IPO5: variants seen among roughly 807,000 people sequenced by gnomAD.
IPO5 encodes importin 5, also known as importin-5.
A neutral mutation model predicts 143.3 loss-of-function variants in IPO5; 18 were observed. That is an observed-to-expected ratio of 0.13 (90% CI 0.09 to 0.19). The LOEUF (loss-of-function observed/expected upper bound fraction) is 0.19. IPO5 is among the 10% of genes least tolerant of loss of function. The probability of loss-of-function intolerance (pLI) is 1.00; values close to 1 mark genes in which losing one functional copy is unlikely to be tolerated. For missense variants in IPO5, 1,013 were observed against 1,336.9 expected (o/e 0.76, Z 3.78); for synonymous variants, 477 against 465.7 (o/e 1.02, Z -0.31).
intron 2 of IPO5, among the ~76,000 whole-genome samples, chr13:97,965,860 C>T (rs1467515705): frequency 6.6e-6 from 1 of 151,602 alleles, no homozygotes; most frequent in African/African-American, 2.4e-5. Context: ...ATTTCCAGGC[C>T]GGGCACGGTG....
chr13:98,021,951 C>G lies in IPO5; in HGVS notation c.*129C>G. ...GTGTGTAGGCCATTCTTCTGGAGAGCCACAAGCAGGAAGAGCAGCGCTGTG... is the reference window on the plus strand; with the variant it reads ...GTGTGTAGGCCATTCTTCTGGAGAGGCACAAGCAGGAAGAGCAGCGCTGTG... On this transcript the variant is annotated 3_prime_UTR_variant, in exon 29 of 29. Coordinates refer to ENST00000651721, the MANE Select transcript of IPO5 (RefSeq NM_002271.6). 2.0e-6 allele frequency: 1 copy of G among 505,144 alleles called. No individual in the cohort carries two copies. Among genetic ancestry groups the G allele is most frequent in the African/African-American group, 1.9e-5 (1 of 53,372 alleles). 31.3% of individuals were successfully genotyped at this position (505,144 alleles called of 1,614,324 possible).
Position 98,006,199 on chromosome 13 carries a change from G to A in IPO5, c.1567G>A (p.Ala523Thr). 2 of 1,613,708 alleles carry A rather than the reference G, an allele frequency of 1.2e-6. No homozygotes were observed. The highest frequency in any genetic ancestry group is 1.7e-6 in the Non-Finnish European group (2 of 1,179,782). The stretch of plus-strand genomic sequence containing the variant: ...ATCCATTGCATCAGTTGCCGATACT[G>A]CAGAAGAAAAATTTGTCCCCTACTA... Reference protein sequence around the residue: ...VTSIASVADTAEEKFVPYYDL... With the variant: ...VTSIASVADTTEEKFVPYYDL... The change falls in exon 17 of 29, where the codon GCA becomes ACA. Residue 523 changes from alanine (A) to threonine (T), a missense_variant. Ala to Thr is a moderately conservative substitution (Grantham distance 58). Around this residue, in one of 2 missense-constraint regions of IPO5, gnomAD observed 685 missense variants for 994.9 expected, o/e 0.69. Transcript: ENST00000651721.
chr13:97,985,816 A>G (rs1036290844), intron 6 of IPO5, among the ~76,000 whole-genome samples: 2 of 152,164 alleles, frequency 1.3e-5, no homozygotes, highest in Admixed American at 6.6e-5. Context: ...GGACTCACCT[A>G]TTGGTATTCA....
intron 13 of IPO5, chr13:98,000,947 G>A (rs1888716835): frequency 3.0e-6 from 1 of 332,906 alleles, no homozygotes; most frequent in Admixed American, 4.4e-5. Context: ...TTTAAAAGAA[G>A]AAACTCTATC....
chr13:97,983,900 T>G (rs978002362), intron 5 of IPO5, among the ~76,000 whole-genome samples: 1 of 150,370 alleles, frequency 6.7e-6, no homozygotes, highest in Non-Finnish European at 1.5e-5. Flanking sequence ...TTTGCTTTTG[T>G]AACCTGTTCT....
chr13:97,964,769 T>C (rs1247176719), intron 2 of IPO5, among the ~76,000 whole-genome samples: 2 of 152,004 alleles, frequency 1.3e-5, no homozygotes, highest in Admixed American at 6.6e-5. Context: ...ATTTCTTATA[T>C]AGGGACAGTG....
intron 2 of IPO5, among the ~76,000 whole-genome samples, chr13:97,964,111 A>G (rs1454083577): frequency 6.6e-6 from 1 of 152,166 alleles, no homozygotes; most frequent in African/African-American, 2.4e-5. Context: ...TCAGATGGAT[A>G]GATTGCAAAA....
chr13:98,010,048 A>C, intron 19 of IPO5, 35 bp downstream of exon 19: 13 of 1,613,480 alleles, frequency 8.1e-6, no homozygotes, highest in Non-Finnish European at 1.1e-5. Flanking sequence ...CGGTTATAAT[A>C]GTTCTCTCTT....
At chr13:97,958,135 T>A (rs1884586809) in intron 2 of IPO5, among the ~76,000 whole-genome samples, 1 of 152,176 alleles carries the variant, frequency 6.6e-6, no homozygotes, top group Non-Finnish European at 1.5e-5. Flanking sequence ...CAGGTGGAGT[T>A]GTCTTGCAGC....
At position 98,006,197 on chromosome 13, in the gene IPO5, C is replaced by T. The variant is rs376474816; in HGVS notation, c.1565C>T (p.Thr522Ile). The change falls in exon 17 of 29, where the codon ACT becomes ATT. Residue 522 changes from threonine to isoleucine, a missense_variant. Physicochemically the swap from Thr to Ile is moderately conservative, Grantham distance 89. Around this residue, in one of 2 missense-constraint regions of IPO5, gnomAD observed 685 missense variants for 994.9 expected, o/e 0.69. Transcript: ENST00000651721. ...ACATCCATTGCATCAGTTGCCGATA[C>T]TGCAGAAGAAAAATTTGTCCCCTAC... ...VVTSIASVAD[T>I]AEEKFVPYYD... 1 of 1,613,680 alleles carries T rather than the reference C, an allele frequency of 6.2e-7. No individual in the cohort carries two copies. The highest frequency in any genetic ancestry group is 1.1e-5 in the South Asian group (1 of 91,076).
At chr13:97,987,051 C>A in intron 6 of IPO5, 1 of 167,562 alleles carries the variant, frequency 6.0e-6, no homozygotes, top group East Asian at 1.7e-4. Context: ...TAATGAGTTT[C>A]ACTTCCTCAT....
At chr13:97,971,435 C>G (rs539639965) in intron 3 of IPO5, among the ~76,000 whole-genome samples, 2 of 152,262 alleles carry the variant, frequency 1.3e-5, no homozygotes, top group African/African-American at 4.8e-5. Context: ...TTCAACCATT[C>G]AAACTTTTTT....
chr13:97,976,710 C>T lies in IPO5; in HGVS notation c.14C>T (p.Ala5Val). ...ACGCCTAGCGCAATGGCGGCGGCCG[C>T]GGCGGAGCAGCAACAGTTCTACCTG... is the stretch of plus-strand genomic sequence containing the variant. Reference protein sequence around the residue: MAAAAAEQQQFYLLL... With the variant: MAAAVAEQQQFYLLL... Residue 5 changes from alanine to valine, a missense_variant, in exon 4 of 29, where the codon GCG becomes GTG. Ala to Val is a moderately conservative substitution (Grantham distance 64, BLOSUM62 0). Coordinates refer to ENST00000651721, the MANE Select transcript of IPO5 (RefSeq NM_002271.6). 7.2e-7 allele frequency: 1 copy of T among 1,392,168 alleles called. No homozygotes were observed. The highest frequency in any genetic ancestry group is 1.2e-5 in the South Asian group (1 of 81,066). The allele number at this position is 1,392,168 out of a possible 1,614,324, so 86.2% of individuals were successfully genotyped here.
intron 2 of IPO5, among the ~76,000 whole-genome samples, chr13:97,961,099 T>C (rs1039839917): frequency 7.2e-5 from 11 of 152,234 alleles, no homozygotes; most frequent in African/African-American, 2.7e-4. Context: ...TTTTGTCTGA[T>C]TTCCTTCAGG....
At position 98,019,827 on chromosome 13, in the gene IPO5, GAC is replaced by G; in HGVS notation, c.3065+19_3065+20del. On this transcript the variant is annotated intron_variant, in intron 27 of 28. Coordinates refer to ENST00000651721, the MANE Select transcript of IPO5 (RefSeq NM_002271.6). Reference sequence around the variant, plus strand: ...ATTGAAAGGTAGGAAAGCAGACTGTGACCTTATTTCCTTCTCCTCCACAGTGC... The same window carrying G: ...ATTGAAAGGTAGGAAAGCAGACTGTGCTTATTTCCTTCTCCTCCACAGTGC... The G allele has an allele frequency of 6.5e-7, 1 of 1,531,252 alleles. No individual in the cohort carries two copies. The highest frequency in any genetic ancestry group is 1.1e-5 in the South Asian group (1 of 89,118). 94.9% of individuals were successfully genotyped at this position (1,531,252 alleles called of 1,614,324 possible). A position where few individuals can be genotyped will look rare whatever the true frequency, so the allele number is the denominator to read the frequency against.
chr13:97,976,748 C>T lies in IPO5; in HGVS notation c.52C>T (p.Leu18=). ...ACAGTTCTACCTGCTCCTGGGAAAC[C>T]TGCTCAGCCCCGACAATGTGGTCCG... ...QQQFYLLLGN[L]LSPDNVVRKQ... is the part of the protein sequence containing the mutation. The change falls in exon 4 of 29, where the codon CTG becomes TTG. Residue 18 remains leucine, a synonymous_variant. Transcript: ENST00000651721. 2 of 1,416,752 alleles carry T rather than the reference C, an allele frequency of 1.4e-6. No individual in the cohort carries two copies. Among genetic ancestry groups the T allele is most frequent in the Non-Finnish European group, 1.9e-6 (2 of 1,061,060 alleles). 87.8% of individuals were successfully genotyped at this position (1,416,752 alleles called of 1,614,324 possible).
At chr13:97,971,608 C>G (rs1013781578) in intron 3 of IPO5, among the ~76,000 whole-genome samples, 2 of 152,108 alleles carry the variant, frequency 1.3e-5, no homozygotes, top group African/African-American at 4.8e-5. Flanking sequence ...TATATAAACA[C>G]AAATGTGATG....
chr13:97,975,921 G>C lies in IPO5; in HGVS notation c.-4-772G>C, dbSNP rs115789759. 3.3e-3 allele frequency: 3,241 copies of C among 985,574 alleles called. 78 individuals are homozygous for C. In the African/African-American group the frequency reaches 0.053, roughly 16 times the overall value. 61.1% of individuals were successfully genotyped at this position (985,574 alleles called of 1,614,324 possible). On this transcript the variant is annotated intron_variant, in intron 3 of 28. Coordinates refer to ENST00000651721, the MANE Select transcript of IPO5 (RefSeq NM_002271.6). ...GGCGTGAGTCACTGGAGAGCGCGAC[G>C]GGAGGAAGGGGCGCCCTGAGTCCAC...
intron 12 of IPO5, among the ~76,000 whole-genome samples, 180 bp from the exon 13 acceptor site, chr13:98,000,358 CT>C (rs1051290243): frequency 3.3e-5 from 5 of 152,142 alleles, no homozygotes. Flanking sequence ...AACATTTACT[CT>C]TTTTTCTTTT....
Sources: allele counts gnomAD v4.1 joint callset (sites outside exome capture counted in the v4.1 genomes callset), GRCh38; gene constraint gnomAD v4.1.1; regional missense constraint gnomAD v4.1.1; transcripts MANE v1.5; gene names NCBI Gene and HGNC (gene_info 2026-07-23, HGNC 2026-07-21).